The following CUX2 variants were observed in gnomAD, a reference collection of about 807,000 sequenced individuals.
The protein encoded by CUX2 is cut like homeobox 2.
A neutral mutation model predicts 144.8 loss-of-function variants in CUX2; 40 were observed. The observed-to-expected ratio is 0.28, with a 90% CI of 0.21 to 0.36. The LOEUF is 0.36. Among genes scored for constraint, CUX2 ranks in the 10% least tolerant of loss-of-function variants. CUX2 has a pLI of 1.00. For synonymous variants in CUX2, 827 were observed against 875.6 expected (o/e 0.94, Z 0.98); for missense variants, 1,615 against 1,994.0 (o/e 0.81, Z 3.62).
intron 2 of CUX2, among the ~76,000 whole-genome samples, chr12:111,217,061 C>T (rs888916042): frequency 3.3e-5 from 5 of 152,132 alleles, no homozygotes; most frequent in African/African-American, 4.8e-5. Flanking sequence ...AGTCTCGGGA[C>T]ACATGGTTCT....
chr12:111,344,285 T>G (rs906441288), intron 21 of CUX2, among the ~76,000 whole-genome samples: 2 of 152,174 alleles, frequency 1.3e-5, no homozygotes, highest in African/African-American at 4.8e-5. Flanking sequence ...ATCCCCGCCC[T>G]TAAGGATCTT....
chr12:111,196,990 G>T (rs956658972), intron 1 of CUX2, among the ~76,000 whole-genome samples: 1 of 152,092 alleles, frequency 6.6e-6, no homozygotes. Flanking sequence ...GTGTCTAGAT[G>T]GTGCTCAGTG....
intron 18 of CUX2, among the ~76,000 whole-genome samples, chr12:111,330,832 C>T (rs1888095031): frequency 6.8e-6 from 1 of 146,974 alleles, no homozygotes; most frequent in African/African-American, 2.5e-5. Context: ...AATTTATTAA[C>T]ATCATCATCA....
chr12:111,234,779 C>T (rs546788672), intron 3 of CUX2, among the ~76,000 whole-genome samples: 102 of 148,996 alleles, frequency 6.8e-4, no homozygotes, highest in African/African-American at 2.4e-3. Context: ...AGTGCAGTGG[C>T]GTGATCTCAG....
At chr12:111,121,359 TTTC>T (rs1236357888) in intron 1 of CUX2, among the ~76,000 whole-genome samples, 1 of 129,722 alleles carries the variant, frequency 7.7e-6, no homozygotes, top group Non-Finnish European at 1.5e-5. Flanking sequence ...TTTGTTTTCT[TTTC>T]TTTTTTCTTT....
At chr12:111,308,713 G>A (rs1402505034) in intron 14 of CUX2, among the ~76,000 whole-genome samples, 187 bp downstream of exon 14, 7 of 152,182 alleles carry the variant, frequency 4.6e-5, no homozygotes, top group Admixed American at 3.9e-4. Flanking sequence ...CCACGTCATC[G>A]TTGGGGTCAC....
chr12:111,221,563 G>T (rs988999840), intron 3 of CUX2, among the ~76,000 whole-genome samples: 3 of 151,998 alleles, frequency 2.0e-5, no homozygotes, highest in East Asian at 3.8e-4. Context: ...CCCATAAAAC[G>T]CCAGGGCAGA....
intron 19 of CUX2, among the ~76,000 whole-genome samples, chr12:111,336,420 AGTG>A (rs1888352109): frequency 7.8e-6 from 1 of 128,294 alleles, no homozygotes; most frequent in Non-Finnish European, 1.5e-5. Flanking sequence ...CAGACACTTC[AGTG>A]TTGTGTGTGT....
At chr12:111,340,197 T>TA (rs560397298) in intron 20 of CUX2, among the ~76,000 whole-genome samples, 21 of 151,330 alleles carry the variant, frequency 1.4e-4, no homozygotes, top group East Asian at 3.9e-4. Context: ...AGACTCCATC[T>TA]AAAAAAAAAT....
At chr12:111,344,261 T>C (rs1565936156) in intron 21 of CUX2, among the ~76,000 whole-genome samples, 4 of 152,280 alleles carry the variant, frequency 2.6e-5, no homozygotes, top group Admixed American at 2.0e-4. Flanking sequence ...TTCTAATGTA[T>C]GCATAGTGAA....
At chr12:111,219,002 G>A (rs1881703202) in intron 3 of CUX2, among the ~76,000 whole-genome samples, 1 of 152,090 alleles carries the variant, frequency 6.6e-6, no homozygotes, top group Admixed American at 6.6e-5. Context: ...GTTCCATCTT[G>A]AGGGGGCTCT....
In CUX2 at chr12:111,348,277, A is replaced by C. The variant is rs1398491820; in HGVS notation, c.4413A>C (p.Arg1471=). 2 of 1,613,450 alleles carry C rather than the reference A, an allele frequency of 1.2e-6. No individual in the cohort carries two copies. Among genetic ancestry groups the C allele is most frequent in the African/African-American group, 1.3e-5 (1 of 74,864 alleles). The change falls in exon 22 of 22, where the codon CGA becomes CGC. Residue 1471 remains arginine (R), a synonymous_variant. Coordinates refer to ENST00000261726, the MANE Select transcript of CUX2 (RefSeq NM_015267.4). ...KMANLNNIIY[R]VERAANREEA... is the part of the protein sequence containing the mutation. ...CCAATCTGAACAACATCATTTACCGAGTAGAGCGGGCTGCCAATCGGGAGG... is the reference window on the plus strand; with the variant it reads ...CCAATCTGAACAACATCATTTACCGCGTAGAGCGGGCTGCCAATCGGGAGG...
At chr12:111,139,849 CACTTGG>C (rs1876178768) in intron 1 of CUX2, among the ~76,000 whole-genome samples, 4 of 152,170 alleles carry the variant, frequency 2.6e-5, no homozygotes. Flanking sequence ...GCCCGAGAGC[CACTTGG>C]ACTTACAGGT....
At chr12:111,127,942 A>G (rs937926475) in intron 1 of CUX2, among the ~76,000 whole-genome samples, 1 of 152,172 alleles carries the variant, frequency 6.6e-6, no homozygotes, top group Non-Finnish European at 1.5e-5. Context: ...CTCATGATTC[A>G]GTTATCTCCA....
chr12:111,068,324 A>G lies in CUX2; in HGVS notation c.63+34084A>G, dbSNP rs940463116. 6.6e-6 allele frequency among the ~76,000 whole-genome samples: 1 copy of G among 152,172 alleles called. No individual in the cohort carries two copies. Among genetic ancestry groups the G allele is most frequent in the Non-Finnish European group, 1.5e-5 (1 of 68,040 alleles). On this transcript the variant is annotated intron_variant, in intron 1 of 21. Transcript: ENST00000261726. This position sits in a 1 kb window ranked among gnomAD's most constrained non-coding sequence, Gnocchi z 4.9. ...GGGGTTGGCTTCCTCGAACCAAAAT[A>G]ACTCTCACAATGCACAGGGAAAAGT...
intron 1 of CUX2, among the ~76,000 whole-genome samples, chr12:111,189,627 G>A (rs1879757524): frequency 6.6e-6 from 1 of 152,270 alleles, no homozygotes; most frequent in South Asian, 2.1e-4. Flanking sequence ...TCCAGTCTGG[G>A]GCTATTATGA....
At chr12:111,106,953 G>T (rs181175556) in intron 1 of CUX2, among the ~76,000 whole-genome samples, 64 of 152,314 alleles carry the variant, frequency 4.2e-4, no homozygotes, top group Non-Finnish European at 7.5e-4. Flanking sequence ...AGTTGATAGG[G>T]TTGCTGGACA....
At position 111,312,546 on chromosome 12, in the gene CUX2, C is replaced by T. The variant is rs1030193955; in HGVS notation, c.2002+345C>T. Among the ~76,000 whole-genome samples the T allele has an allele frequency of 1.2e-5, 1 of 86,882 alleles. No individual in the cohort carries two copies. Among genetic ancestry groups the T allele is most frequent in the Admixed American group, 1.0e-4 (1 of 10,026 alleles). The allele number at this position is 86,882 out of a possible 152,430, so 57.0% of individuals were successfully genotyped here. On this transcript the variant is annotated intron_variant, in intron 16 of 21. Transcript: ENST00000261726. This position sits in a 1 kb window ranked among gnomAD's most constrained non-coding sequence, Gnocchi z 4.3. The stretch of plus-strand genomic sequence containing the variant: ...TAAAACCCCATCTCTACTAAAAATA[C>T]AAAATTACCTGGGCATGGTGATATG...
At chr12:111,205,727 G>A (rs1273750232) in intron 1 of CUX2, among the ~76,000 whole-genome samples, 1 of 152,170 alleles carries the variant, frequency 6.6e-6, no homozygotes, top group Non-Finnish European at 1.5e-5. Context: ...CAGAAACGGA[G>A]GCTGAGTCAC....
Sources: allele counts gnomAD v4.1 joint callset (sites outside exome capture counted in the v4.1 genomes callset), GRCh38; gene constraint gnomAD v4.1.1; non-coding constraint Gnocchi (gnomAD v3.1); transcripts MANE v1.5; gene names NCBI Gene and HGNC (gene_info 2026-07-23, HGNC 2026-07-21).